The following OTOGL variants were observed in gnomAD, a reference collection of about 807,000 sequenced individuals.
OTOGL encodes the protein otogelin like.
A neutral mutation model predicts 318.5 loss-of-function variants in OTOGL; 285 were observed. That is an observed-to-expected ratio of 0.89 (90% CI 0.81 to 0.99). The LOEUF (loss-of-function observed/expected upper bound fraction) is 0.99, where lower values mean the gene tolerates loss of function less well. Among genes scored for constraint, OTOGL ranks in the 50% least tolerant of loss-of-function variants. The probability of loss-of-function intolerance (pLI) is 0.00; values close to 1 mark genes in which losing one functional copy is unlikely to be tolerated. For missense variants in OTOGL, 2,899 were observed against 2,845.6 expected, an observed-to-expected ratio of 1.02 and a Z score of -0.43; for synonymous variants, 987 against 936.5, an observed-to-expected ratio of 1.05 and a Z score of -0.99.
chr12:80,286,978 G>A (rs758194423), intron 26 of OTOGL, among the ~76,000 whole-genome samples: 2 of 152,082 alleles, frequency 1.3e-5, no homozygotes, highest in African/African-American at 2.4e-5. Context: ...TGTGATGTTA[G>A]GGTATCAATT....
chr12:80,260,267 T>G (rs1439785923), intron 18 of OTOGL, among the ~76,000 whole-genome samples: 2 of 152,178 alleles, frequency 1.3e-5, no homozygotes, highest in African/African-American at 4.8e-5. Flanking sequence ...AATTCAGTTT[T>G]TTGTTTTATT....
chr12:80,296,716 T>C (rs1001734104), intron 26 of OTOGL, 111 bp from the exon 27 acceptor site: 2 of 836,102 alleles, frequency 2.4e-6, no homozygotes, highest in Non-Finnish European at 3.2e-6. Context: ...GTAAGTTGTT[T>C]TTCAGTTCTA....
chr12:80,192,085 C>T (rs1875736392), intron 1 of OTOGL, among the ~76,000 whole-genome samples: 1 of 152,142 alleles, frequency 6.6e-6, no homozygotes, highest in Non-Finnish European at 1.5e-5. Context: ...TGTTGTTTTC[C>T]TCCTCTTCTT....
chr12:80,206,021 A>G (rs1876782564), intron 1 of OTOGL, among the ~76,000 whole-genome samples: 1 of 152,202 alleles, frequency 6.6e-6, no homozygotes, highest in African/African-American at 2.4e-5. Flanking sequence ...TTTGTAGCAG[A>G]AAGGGAACTG....
chr12:80,118,006 G>T (rs145755393), intron 1 of OTOGL, among the ~76,000 whole-genome samples: 1 of 151,990 alleles, frequency 6.6e-6, no homozygotes, highest in Non-Finnish European at 1.5e-5. Context: ...GTCCCATCAC[G>T]CCTGTTGTCT....
At chr12:80,340,033 G>T (rs1888664373) in intron 43 of OTOGL, among the ~76,000 whole-genome samples, 1 of 152,114 alleles carries the variant, frequency 6.6e-6, no homozygotes, top group Admixed American at 6.6e-5. Context: ...CCATTTTCAA[G>T]ATTGTTTGGA....
chr12:80,119,717 A>G (rs1201629336), intron 1 of OTOGL, among the ~76,000 whole-genome samples: 1 of 152,172 alleles, frequency 6.6e-6, no homozygotes, highest in Non-Finnish European at 1.5e-5. Context: ...TCATAAAGGC[A>G]GATACTATGT....
chr12:80,209,062 T>C (rs1877034604), intron 1 of OTOGL, among the ~76,000 whole-genome samples: 1 of 152,230 alleles, frequency 6.6e-6, no homozygotes, highest in African/African-American at 2.4e-5. Flanking sequence ...GAATAATGGT[T>C]ATCTCTTGTG....
At chr12:80,323,225 T>C (rs1225537379) in intron 34 of OTOGL, among the ~76,000 whole-genome samples, 1 of 152,116 alleles carries the variant, frequency 6.6e-6, no homozygotes, top group African/African-American at 2.4e-5. Flanking sequence ...TAGGTGTACA[T>C]GTAGATATTT....
intron 24 of OTOGL, among the ~76,000 whole-genome samples, chr12:80,273,165 C>T (rs1883539856): frequency 6.6e-6 from 1 of 152,086 alleles, no homozygotes; most frequent in Admixed American, 6.6e-5. Context: ...CCTACCTTCT[C>T]TGACTGTATT....
intron 44 of OTOGL, among the ~76,000 whole-genome samples, chr12:80,343,951 G>T (rs1289669255): frequency 6.6e-6 from 1 of 152,146 alleles, no homozygotes; most frequent in Non-Finnish European, 1.5e-5. Flanking sequence ...TCTATGAAGG[G>T]AAGAGTCAGG....
At chr12:80,331,129 C>G (rs1481806864) in intron 37 of OTOGL, among the ~76,000 whole-genome samples, 3 of 152,034 alleles carry the variant, frequency 2.0e-5, no homozygotes, top group African/African-American at 7.2e-5. Flanking sequence ...TATGGAAGTA[C>G]AAGGAACCTA....
intron 52 of OTOGL, among the ~76,000 whole-genome samples, chr12:80,364,798 T>G (rs535790600): frequency 4.4e-4 from 67 of 152,216 alleles, no homozygotes; most frequent in Non-Finnish European, 7.4e-4. Context: ...ACCTTGACAT[T>G]TATCCAAATG....
chr12:80,262,149 T>C (rs893397146), intron 19 of OTOGL, 56 bp downstream of exon 19: 11 of 1,470,310 alleles, frequency 7.5e-6, no homozygotes, highest in Non-Finnish European at 1.0e-5. Flanking sequence ...AAGTTCTATG[T>C]ATTACTATAA....
chr12:80,368,368 A>G, intron 55 of OTOGL, 59 bp downstream of exon 55: 2 of 1,322,842 alleles, frequency 1.5e-6, no homozygotes, highest in Non-Finnish European at 2.1e-6. Flanking sequence ...TTCTTGAGTC[A>G]AAGTTTGGAA....
intron 24 of OTOGL, 34 bp from the exon 25 acceptor site, chr12:80,278,134 C>A: frequency 6.9e-7 from 1 of 1,452,358 alleles, no homozygotes; most frequent in Non-Finnish European, 9.4e-7. Context: ...AACTGTAGTT[C>A]ATACTAAATA....
intron 1 of OTOGL, among the ~76,000 whole-genome samples, chr12:80,194,519 C>G (rs972552787): frequency 2.6e-5 from 4 of 152,008 alleles, no homozygotes; most frequent in African/African-American, 9.7e-5. Flanking sequence ...CACTCTAATC[C>G]CATAACCAAA....
intron 26 of OTOGL, among the ~76,000 whole-genome samples, chr12:80,284,608 T>C (rs1489335361): frequency 6.6e-6 from 1 of 152,214 alleles, no homozygotes; most frequent in East Asian, 1.9e-4. Flanking sequence ...GTGGTTTTGA[T>C]TTGCATTTCT....
intron 29 of OTOGL, among the ~76,000 whole-genome samples, chr12:80,306,639 T>C (rs1426497256): frequency 2.0e-5 from 3 of 152,142 alleles, no homozygotes; most frequent in African/African-American, 7.2e-5. Flanking sequence ...TTTTAATATC[T>C]AAAATATCCA....
Sources: gnomAD v4.1 joint callset for allele counts (sites outside exome capture counted in the v4.1 genomes callset) on GRCh38, gnomAD v4.1.1 for gene constraint, MANE v1.5 for transcripts, NCBI Gene and HGNC (gene_info 2026-07-23, HGNC 2026-07-21) for gene names.